ITSN1: variants seen among roughly 807,000 people sequenced by gnomAD.
The protein encoded by ITSN1 is intersectin 1.
In ITSN1, 58 loss-of-function variants were observed where a neutral mutation model predicts 239.8. The ratio of observed to expected loss-of-function variants is 0.24; its 90% confidence interval spans 0.20 to 0.30. The LOEUF is 0.30. Among genes scored for constraint, ITSN1 ranks in the 10% least tolerant of loss-of-function variants. ITSN1 has a pLI of 1.00. For missense variants in ITSN1, 1,558 were observed against 2,103.3 expected (o/e 0.74, Z 5.07); for synonymous variants, 780 against 770.8 (o/e 1.01, Z -0.20).
At chr21:33,710,437 A>G (rs1307725190) in intron 1 of ITSN1, among the ~76,000 whole-genome samples, 1 of 152,060 alleles carries the variant, frequency 6.6e-6, no homozygotes, top group Non-Finnish European at 1.5e-5. Context: ...ATCTGTTCAC[A>G]TGATCATATG....
At chr21:33,853,253 G>C (rs1978669572) in intron 29 of ITSN1, among the ~76,000 whole-genome samples, 1 of 152,222 alleles carries the variant, frequency 6.6e-6, no homozygotes, top group Admixed American at 6.5e-5. Flanking sequence ...GCGAGAGGTG[G>C]AATTTGGTGG....
intron 4 of ITSN1, among the ~76,000 whole-genome samples, chr21:33,727,991 A>C (rs2065932942): frequency 1.3e-5 from 2 of 148,264 alleles, no homozygotes; most frequent in African/African-American, 2.5e-5. Flanking sequence ...TTTTTGAGAC[A>C]AAGTCTCACT....
At chr21:33,794,266 A>G in intron 16 of ITSN1, 75 bp from the exon 17 acceptor site, 4 of 1,129,818 alleles carry the variant, frequency 3.5e-6, no homozygotes, top group African/African-American at 3.1e-5. Context: ...CCACTATGAA[A>G]TGTTGCATGC....
intron 1 of ITSN1, among the ~76,000 whole-genome samples, chr21:33,698,734 A>G (rs973808280): frequency 1.1e-4 from 17 of 152,010 alleles, no homozygotes; most frequent in Non-Finnish European, 2.1e-4. Flanking sequence ...GGCTTTGTGT[A>G]CCTCTTGCCT....
chr21:33,752,703 T>C lies in ITSN1; in HGVS notation c.623+797T>C, dbSNP rs151110877. ...GAGTTTGAGACCAGCCTGGGCAACATAGGGAGACCTTGTCGATACAAAAAT... is the reference window on the plus strand; with the variant it reads ...GAGTTTGAGACCAGCCTGGGCAACACAGGGAGACCTTGTCGATACAAAAAT... On this transcript the variant is annotated intron_variant, in intron 7 of 39. Coordinates refer to ENST00000381318, the MANE Select transcript of ITSN1 (RefSeq NM_003024.3). 3.9e-3 allele frequency among the ~76,000 whole-genome samples: 591 copies of C among 151,746 alleles called. 5 individuals carry two copies. Among genetic ancestry groups the C allele is most frequent in the Non-Finnish European group, 4.7e-3 (318 of 67,930 alleles).
intron 1 of ITSN1, among the ~76,000 whole-genome samples, chr21:33,693,972 CAT>C (rs1412249290): frequency 6.6e-6 from 1 of 152,186 alleles, no homozygotes; most frequent in Admixed American, 6.5e-5. Context: ...ACAAATACCT[CAT>C]ATAAAGTTTT....
At chr21:33,817,168 G>T (rs1476351264) in intron 22 of ITSN1, 23 of 1,218,256 alleles carry the variant, frequency 1.9e-5, no homozygotes, top group Non-Finnish European at 2.3e-5. Flanking sequence ...AATGCTTTAA[G>T]ATACTGTAAT....
At chr21:33,741,464 G>A (rs1253527038) in intron 5 of ITSN1, among the ~76,000 whole-genome samples, 2 of 152,156 alleles carry the variant, frequency 1.3e-5, no homozygotes, top group Non-Finnish European at 2.9e-5. Flanking sequence ...GTGTGGTAAT[G>A]TGCTTGATAG....
chr21:33,778,532 T>G (rs1027565235), intron 14 of ITSN1, among the ~76,000 whole-genome samples: 1 of 151,120 alleles, frequency 6.6e-6, no homozygotes, highest in Admixed American at 6.6e-5. Context: ...ATTATCTAAA[T>G]TATTAAATTT....
At chr21:33,774,635 A>T in intron 12 of ITSN1, 94 bp from the exon 13 acceptor site, 1 of 1,193,766 alleles carries the variant, frequency 8.4e-7, no homozygotes, top group East Asian at 2.5e-5. Flanking sequence ...TTTCATCCCT[A>T]AAAGGAAAGA....
chr21:33,827,450 G>T (rs561488632), intron 26 of ITSN1, among the ~76,000 whole-genome samples: 67 of 152,130 alleles, frequency 4.4e-4, no homozygotes, highest in Non-Finnish European at 9.1e-4. Context: ...AATAATTCAG[G>T]CAAGATGCTG....
Position 33,856,863 on chromosome 21 carries a change from G to A in ITSN1, c.3783+6G>A. The A allele has an allele frequency of 6.2e-7, 1 of 1,614,012 alleles. No homozygotes were observed. The highest frequency in any genetic ancestry group is 2.2e-5 in the East Asian group (1 of 44,880). On this transcript the variant is annotated splice_donor_region_variant and intron_variant, in intron 30 of 39. Transcript: ENST00000381318. The stretch of plus-strand genomic sequence containing the variant: ...ACCTGCAGCTGGTCACAGAGGTAAG[G>A]GAGCTGGTGGGGCAGGGGGCACGGC...
intron 5 of ITSN1, among the ~76,000 whole-genome samples, chr21:33,741,208 G>A (rs144476966): frequency 2.5e-3 from 387 of 152,132 alleles, no homozygotes; most frequent in Non-Finnish European, 3.7e-3. Flanking sequence ...GAAAACTTTT[G>A]GTTTGTTTCC....
chr21:33,841,695 G>A (rs1244275647), intron 29 of ITSN1, among the ~76,000 whole-genome samples: 1 of 152,184 alleles, frequency 6.6e-6, no homozygotes, highest in Non-Finnish European at 1.5e-5. Flanking sequence ...TGGGCAACGG[G>A]CACAGCAAAT....
intron 1 of ITSN1, among the ~76,000 whole-genome samples, chr21:33,671,199 C>T (rs952464289): frequency 2.0e-5 from 3 of 152,250 alleles, no homozygotes; most frequent in East Asian, 1.9e-4. Flanking sequence ...AAATACCCCA[C>T]GGATTTTCAC....
At chr21:33,860,293 G>A (rs1297419830) in intron 31 of ITSN1, among the ~76,000 whole-genome samples, 1 of 148,824 alleles carries the variant, frequency 6.7e-6, no homozygotes, top group African/African-American at 2.5e-5. Context: ...GGCCACGGGA[G>A]TGAAACCCTG....
At chr21:33,846,270 TCACCTCTCCCGATTTCGCTGC>T (rs1384987177) in intron 29 of ITSN1, among the ~76,000 whole-genome samples, 3 of 152,128 alleles carry the variant, frequency 2.0e-5, no homozygotes, top group African/African-American at 7.2e-5. Context: ...CCACCTGCCT[TCACCTCTCCCGATTTCGCTGC>T]CACCTCTCCT....
Position 33,814,055 on chromosome 21 carries a change from T to A in ITSN1, c.2710T>A (p.Ser904Thr). 6.2e-7 allele frequency: 1 copy of A among 1,614,052 alleles called. No homozygotes were observed. The highest frequency in any genetic ancestry group is 8.5e-7 in the Non-Finnish European group (1 of 1,180,006). ...AGCCACGGCCACTGGCTCCTCCCCG[T>A]CTCCTGTGCTAGGCCAGGTAAAGGC... ...TPATATGSSP[S>T]PVLGQGEKVE... The change falls in exon 22 of 40, where the codon TCT becomes ACT. Residue 904 changes from serine to threonine, a missense_variant. By Grantham distance (58) the Ser-to-Thr change is moderately conservative (BLOSUM62 1). This residue lies in a region of ITSN1 where 982 missense variants were observed against 1,209.9 expected (regional missense o/e 0.81). Transcript: ENST00000381318.
At chr21:33,684,335 G>C (rs2091129547) in intron 1 of ITSN1, among the ~76,000 whole-genome samples, 1 of 152,138 alleles carries the variant, frequency 6.6e-6, no homozygotes, top group African/African-American at 2.4e-5. Context: ...TCTGAGTACC[G>C]ATTCACACTA....
Sources: allele counts gnomAD v4.1 joint callset (sites outside exome capture counted in the v4.1 genomes callset), GRCh38; gene constraint gnomAD v4.1.1; regional missense constraint gnomAD v4.1.1; transcripts MANE v1.5; gene names NCBI Gene and HGNC (gene_info 2026-07-23, HGNC 2026-07-21).